Variants in CHST3 observed in about 807,000 individuals in gnomAD.
The protein encoded by CHST3 is carbohydrate sulfotransferase 3, also known as C6ST-1.
In CHST3, 20 loss-of-function variants were observed where a neutral mutation model predicts 35.4. The observed-to-expected ratio is 0.57, with a 90% CI of 0.40 to 0.82. The LOEUF (loss-of-function observed/expected upper bound fraction) is 0.82. CHST3 is among the 40% of genes least tolerant of loss of function. The probability of loss-of-function intolerance (pLI) is 0.00; values close to 1 mark genes in which losing one functional copy is unlikely to be tolerated. For missense variants in CHST3, 693 were observed against 670.1 expected, an observed-to-expected ratio of 1.03 and a Z score of -0.38; for synonymous variants, 334 against 295.9, an observed-to-expected ratio of 1.13 and a Z score of -1.32.
At chr10:72,003,700 CAA>C (rs10688056) in intron 1 of CHST3, among the ~76,000 whole-genome samples, 23 of 111,514 alleles carry the variant, frequency 2.1e-4, no homozygotes, top group Admixed American at 1.9e-4. Context: ...GACTCTGTCT[CAA>C]AAAAAAAAAA....
At chr10:71,988,679 C>A (rs764283079) in intron 1 of CHST3, among the ~76,000 whole-genome samples, 1 of 152,264 alleles carries the variant, frequency 6.6e-6, no homozygotes, top group Admixed American at 6.5e-5. Flanking sequence ...TTATAAATTA[C>A]CCAGTCTCAG....
intron 1 of CHST3, among the ~76,000 whole-genome samples, chr10:71,987,535 G>A (rs1047589047): frequency 6.6e-6 from 1 of 151,974 alleles, no homozygotes; most frequent in African/African-American, 2.4e-5. Context: ...TCCGCATGGT[G>A]AAACCCTGTC....
intron 1 of CHST3, among the ~76,000 whole-genome samples, chr10:71,972,243 G>T (rs1839702581): frequency 6.6e-6 from 1 of 152,210 alleles, no homozygotes; most frequent in South Asian, 2.1e-4. Context: ...GCTGACTCCA[G>T]AGTCTGTGCT....
chr10:71,973,424 C>T (rs1203091943), intron 1 of CHST3, among the ~76,000 whole-genome samples: 1 of 152,230 alleles, frequency 6.6e-6, no homozygotes, highest in African/African-American at 2.4e-5. Flanking sequence ...GGGTCCAGTT[C>T]CCATCTGCAA....
chr10:72,004,539 G>A (rs564783104), intron 1 of CHST3, among the ~76,000 whole-genome samples: 1 of 152,040 alleles, frequency 6.6e-6, no homozygotes, highest in East Asian at 1.9e-4. Context: ...TATAATTTAC[G>A]TATACACATG....
chr10:71,982,103 C>G (rs1839806642), intron 1 of CHST3, among the ~76,000 whole-genome samples: 1 of 152,186 alleles, frequency 6.6e-6, no homozygotes, highest in South Asian at 2.1e-4. Context: ...GATATGTGAG[C>G]TTGCATGGTA....
At chr10:71,998,135 TC>T (rs570499767) in intron 1 of CHST3, among the ~76,000 whole-genome samples, 3 of 151,642 alleles carry the variant, frequency 2.0e-5, no homozygotes, top group Non-Finnish European at 4.4e-5. Context: ...TGCGACCCTG[TC>T]CCCCCCAAAA....
chr10:71,970,084 G>C (rs1839675706), intron 1 of CHST3, among the ~76,000 whole-genome samples: 2 of 152,230 alleles, frequency 1.3e-5, no homozygotes, highest in Non-Finnish European at 2.9e-5. Context: ...TGGACGGTTT[G>C]TTCTGTGCTT....
chr10:72,008,245 C>T lies in CHST3; in HGVS notation c.1214C>T (p.Thr405Met), dbSNP rs951331805. ...GTGGAAGACTGGATCCAAAAGAACA[C>T]GCAGGCGGCCCACGACGGCAGCGGC... is the stretch of plus-strand genomic sequence containing the variant. ...PQVEDWIQKN[T>M]QAAHDGSGIY... The change falls in exon 3 of 3, where the codon ACG (threonine) becomes ATG (methionine). Residue 405 changes from threonine to methionine, a missense_variant. By Grantham distance (81) the Thr-to-Met change is moderately conservative. Coordinates refer to ENST00000373115, the MANE Select transcript of CHST3 (RefSeq NM_004273.5). 1 of 1,571,574 alleles carries T rather than the reference C, an allele frequency of 6.4e-7. No homozygotes were observed. Among genetic ancestry groups the T allele is most frequent in the Non-Finnish European group, 8.6e-7 (1 of 1,158,798 alleles).
intron 1 of CHST3, among the ~76,000 whole-genome samples, chr10:71,970,224 GC>G (rs1184539305): frequency 7.9e-5 from 12 of 151,446 alleles, no homozygotes; most frequent in African/African-American, 2.9e-4. Context: ...CTTGTCTCCA[GC>G]TGCCCTCCGT....
intron 1 of CHST3, among the ~76,000 whole-genome samples, chr10:71,966,364 C>T (rs1839632257): frequency 6.6e-6 from 1 of 152,058 alleles, no homozygotes; most frequent in Admixed American, 6.5e-5. Context: ...TCTCCTGTGC[C>T]AGCTTGCATG....
intron 1 of CHST3, among the ~76,000 whole-genome samples, chr10:71,999,122 C>A (rs533919811): frequency 6.6e-6 from 1 of 152,204 alleles, no homozygotes; most frequent in Non-Finnish European, 1.5e-5. Context: ...GACAGGCCAC[C>A]GGATGGACAA....
At chr10:71,965,249 G>C (rs1368983129) in intron 1 of CHST3, among the ~76,000 whole-genome samples, 1 of 151,954 alleles carries the variant, frequency 6.6e-6, no homozygotes, top group Non-Finnish European at 1.5e-5. Context: ...TCGGTGTCTG[G>C]GTGATGTGTG....
intron 1 of CHST3, among the ~76,000 whole-genome samples, chr10:71,991,719 G>A (rs1589503203): frequency 6.6e-6 from 1 of 152,080 alleles, no homozygotes. Flanking sequence ...GATCACCTGA[G>A]GTCAGGAGTT....
intron 1 of CHST3, among the ~76,000 whole-genome samples, chr10:71,985,579 C>T (rs1381957537): frequency 4.6e-5 from 7 of 152,230 alleles, no homozygotes; most frequent in African/African-American, 1.7e-4. Flanking sequence ...GCCATTTCTG[C>T]TCAATCTTAC....
At chr10:71,970,169 T>TG (rs1269644204) in intron 1 of CHST3, among the ~76,000 whole-genome samples, 2 of 152,148 alleles carry the variant, frequency 1.3e-5, no homozygotes, top group East Asian at 3.9e-4. Flanking sequence ...GCCACCAGCT[T>TG]GGAGGGCAGG....
chr10:71,974,028 C>T (rs1421874131), intron 1 of CHST3, among the ~76,000 whole-genome samples: 1 of 152,248 alleles, frequency 6.6e-6, no homozygotes, highest in East Asian at 1.9e-4. Context: ...TGCTTACCTT[C>T]TCTGAGCTCA....
In CHST3 at chr10:71,967,975, A is replaced by ATTTTT. The variant is rs61420934; in HGVS notation, c.-108+3292_-108+3296dup. Among the ~76,000 whole-genome samples the ATTTTT allele has an allele frequency of 7.0e-5, 10 of 142,084 alleles. 1 individual carries two copies. Among genetic ancestry groups the ATTTTT allele is most frequent in the East Asian group, 4.2e-4 (2 of 4,754 alleles). 93.2% of individuals were successfully genotyped at this position (142,084 alleles called of 152,430 possible). A position where few individuals can be genotyped will look rare whatever the true frequency, so the allele number is the denominator to read the frequency against. ...AGGCGTGCACCACCATGCGTGGCTA[A>ATTTTT]TTTTTTTTTTTTTTTGTATTTTAGT... On this transcript the variant is annotated intron_variant, in intron 1 of 2. Coordinates refer to ENST00000373115, the MANE Select transcript of CHST3 (RefSeq NM_004273.5).
In CHST3 at chr10:71,964,476, C is replaced by G. The variant is rs955060910; in HGVS notation, c.-326C>G. ...GCTGCGCAGGACGGCGCCCGCCTGGCGCCGCTTCCCTTCCAGCGTGCCGAC... is the reference window on the plus strand; with the variant it reads ...GCTGCGCAGGACGGCGCCCGCCTGGGGCCGCTTCCCTTCCAGCGTGCCGAC... On this transcript the variant is annotated 5_prime_UTR_variant, in exon 1 of 3. Transcript: ENST00000373115. The G allele has an allele frequency of 2.6e-5, 4 of 152,166 alleles. No homozygotes were observed. Among genetic ancestry groups the G allele is most frequent in the African/African-American group, 9.7e-5 (4 of 41,434 alleles). The allele number at this position is 152,166 out of a possible 1,614,324, so 9.4% of individuals were successfully genotyped here.
Sources: allele counts gnomAD v4.1 joint callset (sites outside exome capture counted in the v4.1 genomes callset), GRCh38; gene constraint gnomAD v4.1.1; transcripts MANE v1.5; gene names NCBI Gene and HGNC (gene_info 2026-07-23, HGNC 2026-07-21).